The following CHD1 variants were observed in gnomAD, a reference collection of about 807,000 sequenced individuals.
CHD1 encodes the protein ATP-dependent chromatin remodeler CHD1.
CHD1 carries 36 observed loss-of-function variants against 224.2 expected under a neutral mutation model. The ratio of observed to expected loss-of-function variants is 0.16; its 90% CI spans 0.12 to 0.21. The LOEUF is 0.21. CHD1 is among the 10% of genes least tolerant of loss of function. The pLI, the probability that CHD1 is intolerant of heterozygous loss-of-function variation, is 1.00. For synonymous variants in CHD1, 668 were observed against 658.3 expected (o/e 1.01, Z -0.23); for missense variants, 1,378 against 1,994.8 (o/e 0.69, Z 5.89).
intron 2 of CHD1, among the ~76,000 whole-genome samples, chr5:98,910,462 G>C (rs2578577): frequency 0.14 from 20,847 of 151,990 alleles, 1,809 homozygotes; most frequent in Middle Eastern, 0.27. Context: ...TTTAAATAGA[G>C]ACTGCTTTCT....
intron 7 of CHD1, 91 bp downstream of exon 7, chr5:98,900,720 G>C (rs1269338453): frequency 1.8e-6 from 2 of 1,134,246 alleles, no homozygotes; most frequent in Non-Finnish European, 2.5e-6. Context: ...CCAAAGTACT[G>C]GGATTACAGG....
intron 31 of CHD1, among the ~76,000 whole-genome samples, chr5:98,866,191 CAG>C (rs2067281): frequency 0.32 from 48,679 of 151,758 alleles, 9,432 homozygotes; most frequent in African/African-American, 0.54. Flanking sequence ...TGTGAACCTG[CAG>C]AGGAGATAAA....
intron 2 of CHD1, among the ~76,000 whole-genome samples, chr5:98,907,235 G>A (rs540612527): frequency 6.6e-6 from 1 of 152,284 alleles, no homozygotes; most frequent in South Asian, 2.1e-4. Flanking sequence ...TTTACCTTGG[G>A]TATTAGAAAT....
chr5:98,859,355 C>G (rs1001877329), intron 33 of CHD1, among the ~76,000 whole-genome samples: 4 of 152,044 alleles, frequency 2.6e-5, no homozygotes, highest in African/African-American at 9.7e-5. Context: ...TGGTATAACA[C>G]TATTAATTGA....
rs70984334 is a variant in CHD1 at position 98,917,299 on chromosome 5, CA to C, written c.53+9034del. 7.7e-4 allele frequency among the ~76,000 whole-genome samples: 92 copies of C among 119,818 alleles called. 3 individuals carry two copies. Among genetic ancestry groups the C allele is most frequent in the East Asian group, 2.0e-3 (9 of 4,436 alleles). 78.6% of individuals were successfully genotyped at this position (119,818 alleles called of 152,430 possible). ...GCCCATCCCTCCAAAAACAAAGAAACAAAAAAAAAAAACAACCTCTTAATTA... is the reference window on the plus strand; with the variant it reads ...GCCCATCCCTCCAAAAACAAAGAAACAAAAAAAAAAACAACCTCTTAATTA... On this transcript the variant is annotated intron_variant, in intron 2 of 35. Transcript: ENST00000614616.
At chr5:98,872,870 G>C (rs1749462052) in intron 26 of CHD1, among the ~76,000 whole-genome samples, 2 of 152,268 alleles carry the variant, frequency 1.3e-5, no homozygotes, top group Admixed American at 1.3e-4. Context: ...CGCCCAGGCT[G>C]GAAGTGCAGT....
At chr5:98,920,283 T>G (rs148434385) in intron 2 of CHD1, among the ~76,000 whole-genome samples, 11 of 152,036 alleles carry the variant, frequency 7.2e-5, no homozygotes, top group Non-Finnish European at 1.5e-4. Context: ...CTCTTGAAAG[T>G]AGGCTAGACA....
intron 24 of CHD1, 107 bp downstream of exon 24, chr5:98,876,291 G>A (rs948840171): frequency 9.1e-6 from 10 of 1,094,510 alleles, no homozygotes; most frequent in South Asian, 6.2e-5. Flanking sequence ...TAACAGATTT[G>A]CCTCTTCTAA....
intron 31 of CHD1, among the ~76,000 whole-genome samples, chr5:98,868,042 C>G (rs1749031137): frequency 1.3e-5 from 2 of 151,880 alleles, no homozygotes; most frequent in African/African-American, 4.8e-5. Context: ...CTCAGGTGAT[C>G]CACTGCCTCG....
chr5:98,926,445 G>T lies in CHD1; in HGVS notation c.-59C>A, dbSNP rs961692890. The T allele has an allele frequency of 2.2e-6, 2 of 909,268 alleles. No individual in the cohort carries two copies. Among genetic ancestry groups the T allele is most frequent in the Non-Finnish European group, 3.3e-6 (2 of 614,750 alleles). 56.3% of individuals were successfully genotyped at this position (909,268 alleles called of 1,614,324 possible). On this transcript the variant is annotated 5_prime_UTR_variant, in exon 2 of 36. Transcript: ENST00000614616. ...TATAAATCTTCCCAGTTTAAAAGAT[G>T]AATATAAATACTGACTCCTTGAATA...
intron 2 of CHD1, among the ~76,000 whole-genome samples, chr5:98,906,604 T>A (rs1417932010): frequency 1.3e-5 from 2 of 152,206 alleles, no homozygotes; most frequent in African/African-American, 4.8e-5. Flanking sequence ...GAGACAGTCA[T>A]ATAAATGAAT....
intron 35 of CHD1, among the ~76,000 whole-genome samples, chr5:98,857,549 T>TAA (rs771105917): frequency 9.9e-5 from 15 of 152,084 alleles, no homozygotes; most frequent in Non-Finnish European, 2.2e-4. Context: ...TATAAAAGCA[T>TAA]AAATACTATA....
At chr5:98,915,591 T>C (rs1219406573) in intron 2 of CHD1, among the ~76,000 whole-genome samples, 2 of 152,206 alleles carry the variant, frequency 1.3e-5, no homozygotes, top group African/African-American at 2.4e-5. Flanking sequence ...TAAAATTTAT[T>C]ATAGTATCAA....
intron 35 of CHD1, among the ~76,000 whole-genome samples, chr5:98,857,511 T>G (rs1411707066): frequency 6.6e-6 from 1 of 152,098 alleles, no homozygotes; most frequent in Non-Finnish European, 1.5e-5. Flanking sequence ...AATACAAAGA[T>G]GTCTTCTAAT....
chr5:98,893,699 A>G, intron 13 of CHD1, 93 bp from the exon 14 acceptor site: 2 of 796,956 alleles, frequency 2.5e-6, no homozygotes, highest in Admixed American at 5.9e-5. Flanking sequence ...AAAATGAAAT[A>G]AAAATTAAAA....
At chr5:98,874,536 C>CT (rs1368828618) in intron 25 of CHD1, among the ~76,000 whole-genome samples, 2 of 69,958 alleles carry the variant, frequency 2.9e-5, no homozygotes, top group Non-Finnish European at 4.9e-5. Flanking sequence ...CCCGTCTCTA[C>CT]TAAAAAAAAA....
intron 32 of CHD1, among the ~76,000 whole-genome samples, chr5:98,861,258 T>C (rs1384021162): frequency 6.6e-6 from 1 of 152,206 alleles, no homozygotes; most frequent in Non-Finnish European, 1.5e-5. Flanking sequence ...AGTAAATATC[T>C]GTTCACATTT....
At chr5:98,899,456 G>T in intron 8 of CHD1, 24 bp downstream of exon 8, 1 of 1,356,032 alleles carries the variant, frequency 7.4e-7, no homozygotes, top group Non-Finnish European at 1.1e-6. Context: ...ATTAAAAGAA[G>T]TATATGATAT....
rs967252964 is a variant in CHD1 at position 98,911,682 on chromosome 5, C to T, written c.54-6584G>A. Among the ~76,000 whole-genome samples the T allele has an allele frequency of 5.9e-5, 9 of 152,164 alleles. 1 individual carries two copies. The highest frequency in any genetic ancestry group is 1.3e-4 in the Admixed American group (2 of 15,276). ...TTTAGAAGATATATCATTACCAACA[C>T]GGTTCTCCAGCCTGGTACGCAGAGT... On this transcript the variant is annotated intron_variant, in intron 2 of 35. Coordinates refer to ENST00000614616, the MANE Select transcript of CHD1 (RefSeq NM_001270.4).
Sources: gnomAD v4.1 joint callset for allele counts (sites outside exome capture counted in the v4.1 genomes callset) on GRCh38, gnomAD v4.1.1 for gene constraint, MANE v1.5 for transcripts, NCBI Gene and HGNC (gene_info 2026-07-23, HGNC 2026-07-21) for gene names.